ATE1: variants seen among roughly 807,000 people sequenced by gnomAD.
ATE1 encodes arginyltransferase 1.
ATE1 carries 36 observed loss-of-function variants against 70.5 expected under a neutral mutation model. That is an observed-to-expected ratio of 0.51 (90% CI 0.39 to 0.67). The LOEUF (loss-of-function observed/expected upper bound fraction) is 0.67. Ranked by LOEUF, ATE1 falls within the 30% of genes least tolerant of loss-of-function variation. ATE1 has a pLI of 0.00. For missense variants in ATE1, 593 were observed against 629.5 expected, an observed-to-expected ratio of 0.94 and a Z score of 0.62; for synonymous variants, 232 against 219.3, an observed-to-expected ratio of 1.06 and a Z score of -0.51.
chr10:121,894,069 G>A (rs1394525514), intron 7 of ATE1, among the ~76,000 whole-genome samples: 4 of 151,184 alleles, frequency 2.6e-5, no homozygotes, highest in South Asian at 2.1e-4. Flanking sequence ...CCCGGGAGGC[G>A]GAGGTTGCAG....
At chr10:121,761,973 T>C (rs1007694190) in intron 11 of ATE1, among the ~76,000 whole-genome samples, 6 of 152,194 alleles carry the variant, frequency 3.9e-5, no homozygotes, top group African/African-American at 1.4e-4. Flanking sequence ...ATTTACTTAA[T>C]GGCCATTCCC....
At chr10:121,921,091 T>C (rs1951864523) in intron 3 of ATE1, among the ~76,000 whole-genome samples, 1 of 152,116 alleles carries the variant, frequency 6.6e-6, no homozygotes, top group Admixed American at 6.5e-5. Flanking sequence ...ACTTTTATTT[T>C]AGATTCAGGG....
At chr10:121,896,904 CTAAG>C (rs1169500426) in intron 7 of ATE1, among the ~76,000 whole-genome samples, 3 of 142,290 alleles carry the variant, frequency 2.1e-5, no homozygotes, top group African/African-American at 7.9e-5. Flanking sequence ...CCATACTAAA[CTAAG>C]TATTAATAGT....
At position 121,892,806 on chromosome 10, in the gene ATE1, C is replaced by T. The variant is rs554215793; in HGVS notation, c.942+7060G>A. 4.6e-5 allele frequency among the ~76,000 whole-genome samples: 7 copies of T among 152,250 alleles called. No individual in the cohort carries two copies. The South Asian group carries it at 1.2e-3, about 27-fold the overall frequency. On this transcript the variant is annotated intron_variant, in intron 7 of 11. Coordinates refer to ENST00000224652, the MANE Select transcript of ATE1 (RefSeq NM_001001976.3). ...ATCGGATTACTGGCATGAGCCATGG[C>T]GCCCAGCCTCAGTGGTAAACATTTT...
chr10:121,872,755 AC>A (rs1949906331), intron 7 of ATE1, among the ~76,000 whole-genome samples: 1 of 151,928 alleles, frequency 6.6e-6, no homozygotes, highest in South Asian at 2.1e-4. Flanking sequence ...ACCTAAAACT[AC>A]TAAAAAGTAA....
At chr10:121,792,840 A>G (rs1031095589) in intron 10 of ATE1, among the ~76,000 whole-genome samples, 3 of 151,898 alleles carry the variant, frequency 2.0e-5, no homozygotes, top group Non-Finnish European at 4.4e-5. Context: ...ACTTCTGGGG[A>G]AAAAAAAGGA....
chr10:121,872,774 T>G (rs1554918098), intron 7 of ATE1, among the ~76,000 whole-genome samples: 1 of 151,394 alleles, frequency 6.6e-6, no homozygotes, highest in Non-Finnish European at 1.5e-5. Flanking sequence ...TAAAGTCTAT[T>G]GAAAAAAAAA....
At chr10:121,916,561 C>T (rs987785958) in intron 3 of ATE1, among the ~76,000 whole-genome samples, 2 of 152,124 alleles carry the variant, frequency 1.3e-5, no homozygotes, top group African/African-American at 2.4e-5. Flanking sequence ...CCAGGCCGGG[C>T]GCGGTGGCTC....
rs975445884 is a variant in ATE1, at chr10:121,907,271, A to G, written c.583+3635T>C. ...GGAGTTCGAGACCAGCCTGGCCAACATGGCAAAACCCCATTTCTACTAAAA... is the reference window on the plus strand; with the variant it reads ...GGAGTTCGAGACCAGCCTGGCCAACGTGGCAAAACCCCATTTCTACTAAAA... On this transcript the variant is annotated intron_variant, in intron 5 of 11. Coordinates refer to ENST00000224652, the MANE Select transcript of ATE1 (RefSeq NM_001001976.3). Among the ~76,000 whole-genome samples, 6 of 151,980 alleles carry G rather than the reference A, an allele frequency of 3.9e-5. No individual in the cohort carries two copies. The East Asian group carries it at 9.8e-4, about 25-fold the overall frequency.
chr10:121,917,966 A>G (rs1236503372), intron 3 of ATE1, among the ~76,000 whole-genome samples: 3 of 152,212 alleles, frequency 2.0e-5, no homozygotes, highest in African/African-American at 7.2e-5. Context: ...TCCTTTATCT[A>G]AGTTCTCATT....
chr10:121,902,721 T>TTCTACA, intron 5 of ATE1, 101 bp from the exon 6 acceptor site: 1 of 1,178,296 alleles, frequency 8.5e-7, no homozygotes, highest in Non-Finnish European at 1.2e-6. Flanking sequence ...AGAGTTTCAA[T>TTCTACA]GGTTAGGCTA....
At chr10:121,879,730 T>A (rs1029837306) in intron 7 of ATE1, among the ~76,000 whole-genome samples, 3 of 152,208 alleles carry the variant, frequency 2.0e-5, no homozygotes, top group African/African-American at 7.2e-5. Flanking sequence ...CACGGTGAGA[T>A]TCCATAAACA....
At chr10:121,756,879 TC>T (rs1303295004) in intron 11 of ATE1, among the ~76,000 whole-genome samples, 1 of 152,156 alleles carries the variant, frequency 6.6e-6, no homozygotes, top group Non-Finnish European at 1.5e-5. Context: ...GGAGATATTT[TC>T]CCCCACCGTC....
At chr10:121,805,073 T>C (rs1420225448) in intron 10 of ATE1, among the ~76,000 whole-genome samples, 4 of 152,144 alleles carry the variant, frequency 2.6e-5, no homozygotes, top group African/African-American at 9.7e-5. Flanking sequence ...AGCATCTGAG[T>C]CTTCTCTTTC....
chr10:121,788,494 T>C (rs2133253639), intron 11 of ATE1, among the ~76,000 whole-genome samples: 1 of 152,294 alleles, frequency 6.6e-6, no homozygotes, highest in East Asian at 1.9e-4. Flanking sequence ...TAACAGCTTT[T>C]CAAGGAGGTA....
rs573681162 is a variant in ATE1, at chr10:121,884,947, T to A, written c.943-14909A>T. ...GCCTAAGCTCTCTACTTTATTCAAG[T>A]AAGTTAGCCTGGCTTTAAAAAATGT... On this transcript the variant is annotated intron_variant, in intron 7 of 11. Transcript: ENST00000224652. Among the ~76,000 whole-genome samples the A allele has an allele frequency of 1.3e-4, 20 of 152,274 alleles. No homozygotes were observed. In the South Asian group the frequency reaches 4.1e-3, roughly 32 times the overall value.
intron 8 of ATE1, among the ~76,000 whole-genome samples, chr10:121,853,957 G>C (rs897301640): frequency 1.3e-5 from 2 of 152,110 alleles, no homozygotes; most frequent in African/African-American, 4.8e-5. Context: ...CCATTATTCA[G>C]GGCAGAGCAT....
At chr10:121,912,921 C>A (rs985438210) in intron 4 of ATE1, among the ~76,000 whole-genome samples, 1 of 126,144 alleles carries the variant, frequency 7.9e-6, no homozygotes, top group Admixed American at 8.1e-5. Context: ...GCTCTGTCAC[C>A]CACGCTGGAG....
intron 11 of ATE1, among the ~76,000 whole-genome samples, chr10:121,747,696 G>A (rs1163645214): frequency 6.6e-6 from 1 of 152,182 alleles, no homozygotes; most frequent in Non-Finnish European, 1.5e-5. Context: ...ACTTGAAGTG[G>A]TTTTGGTGTT....
Sources: gnomAD v4.1 joint callset for allele counts (sites outside exome capture counted in the v4.1 genomes callset) on GRCh38, gnomAD v4.1.1 for gene constraint, MANE v1.5 for transcripts, NCBI Gene and HGNC (gene_info 2026-07-23, HGNC 2026-07-21) for gene names.